GTF2I: variants seen among roughly 807,000 people sequenced by gnomAD.
GTF2I encodes the protein general transcription factor IIi.
Under a neutral mutation model 67.6 loss-of-function variants are expected in GTF2I, and 12 were observed. The observed-to-expected ratio is 0.18, with a 90% confidence interval of 0.11 to 0.29. The LOEUF (loss-of-function observed/expected upper bound fraction) is 0.29, where lower values mean the gene tolerates loss of function less well. GTF2I is among the 10% of genes least tolerant of loss of function. The pLI is 1.00. For missense variants in GTF2I, 271 were observed against 580.1 expected, an observed-to-expected ratio of 0.47 and a Z score of 5.47; for synonymous variants, 149 against 197.0, an observed-to-expected ratio of 0.76 and a Z score of 2.04.
chr7:74,726,882 T>TAGATAGATAGAA (rs1554405790), intron 12 of GTF2I: 2 of 144,722 alleles, frequency 1.4e-5, no homozygotes, highest in Non-Finnish European at 3.0e-5. Context: ...GATAGATAGA[T>TAGATAGATAGAA]AGAATGAGAC....
At chr7:74,674,851 AATATAT>A (rs1485357731) in intron 1 of GTF2I, among the ~76,000 whole-genome samples, 1 of 148,300 alleles carries the variant, frequency 6.7e-6, no homozygotes, top group Admixed American at 6.8e-5. Context: ...CCAGCCCTCT[AATATAT>A]ATATATATTT....
chr7:74,701,497 G>A (rs1457310099), intron 6 of GTF2I, among the ~76,000 whole-genome samples: 1 of 151,800 alleles, frequency 6.6e-6, no homozygotes, highest in Non-Finnish European at 1.5e-5. Flanking sequence ...TTGAGACGGA[G>A]TCTTGCTCTG....
intron 6 of GTF2I, among the ~76,000 whole-genome samples, chr7:74,703,931 T>C (rs974364668): frequency 1 from 152,372 of 152,372 alleles, 76,186 homozygotes; most frequent in Non-Finnish European, 1. Flanking sequence ...ATATCCTTGT[T>C]ATCTTTGTTG....
At chr7:74,662,584 G>A (rs1194442625) in intron 1 of GTF2I, among the ~76,000 whole-genome samples, 2 of 136,110 alleles carry the variant, frequency 1.5e-5, no homozygotes, top group East Asian at 4.6e-4. Context: ...GTGTAGGTGC[G>A]TGGTCTCGGC....
intron 5 of GTF2I, 66 bp from the exon 6 acceptor site, chr7:74,700,540 A>T (rs1789587979): frequency 1.3e-6 from 2 of 1,597,698 alleles, no homozygotes; most frequent in South Asian, 1.1e-5. Context: ...GAAGTCATTT[A>T]AATGTATGCT....
At chr7:74,753,344 T>TA (rs1584353447) in intron 29 of GTF2I, among the ~76,000 whole-genome samples, 167 bp downstream of exon 29, 1 of 152,174 alleles carries the variant, frequency 6.6e-6, no homozygotes, top group African/African-American at 2.4e-5. Flanking sequence ...CCATTAGTGT[T>TA]ACACTATTGA....
intron 5 of GTF2I, 27 bp downstream of exon 5, chr7:74,700,457 A>C (rs782488840): frequency 6.2e-7 from 1 of 1,612,080 alleles, no homozygotes; most frequent in Non-Finnish European, 8.5e-7. Context: ...CTTTGTACCC[A>C]TCAACAGTTG....
chr7:74,705,844 A>T (rs1246463355), intron 7 of GTF2I, among the ~76,000 whole-genome samples: 1 of 150,332 alleles, frequency 6.7e-6, no homozygotes. Flanking sequence ...GATTACAGGC[A>T]TGAGCCACCA....
At chr7:74,718,506 G>C (rs1792538473) in intron 11 of GTF2I, among the ~76,000 whole-genome samples, 1 of 152,214 alleles carries the variant, frequency 6.6e-6, no homozygotes, top group South Asian at 2.1e-4. Context: ...TCACATTTCT[G>C]AAAGGAGAGA....
chr7:74,665,435 A>G (rs1554388177), intron 1 of GTF2I, among the ~76,000 whole-genome samples: 2 of 151,938 alleles, frequency 1.3e-5, no homozygotes, highest in Admixed American at 6.6e-5. Flanking sequence ...TATTTTTAGC[A>G]GAGACAGGGT....
chr7:74,732,151 A>G (rs1385461018), intron 14 of GTF2I, among the ~76,000 whole-genome samples: 4 of 148,630 alleles, frequency 2.7e-5, no homozygotes, highest in East Asian at 2.0e-4. Flanking sequence ...ACATATATAT[A>G]TATATATACA....
chr7:74,662,511 CTTTT>C (rs1161320476), intron 1 of GTF2I, among the ~76,000 whole-genome samples: 8 of 50,198 alleles, frequency 1.6e-4, no homozygotes, highest in Non-Finnish European at 2.0e-4. Flanking sequence ...CACCTGGACC[CTTTT>C]TTTTTTTTTT....
chr7:74,711,950 T>C (rs1449063662), intron 9 of GTF2I, among the ~76,000 whole-genome samples: 1 of 123,808 alleles, frequency 8.1e-6, no homozygotes, highest in Non-Finnish European at 1.8e-5. Flanking sequence ...CATTTCTCTC[T>C]TTTTTTTTTT....
chr7:74,670,941 A>T (rs1264548082), intron 1 of GTF2I, among the ~76,000 whole-genome samples: 4 of 152,094 alleles, frequency 2.6e-5, no homozygotes, highest in Non-Finnish European at 5.9e-5. Flanking sequence ...ATGGTGTCTT[A>T]AACTGTGGTG....
intron 6 of GTF2I, among the ~76,000 whole-genome samples, chr7:74,702,679 G>T (rs868974644): frequency 4.0e-5 from 6 of 151,156 alleles, no homozygotes; most frequent in South Asian, 4.2e-4. Context: ...AATTTTTTTT[G>T]ATTTTTAAAA....
chr7:74,694,415 C>T (rs1788682278), intron 3 of GTF2I, among the ~76,000 whole-genome samples: 3 of 152,098 alleles, frequency 2.0e-5, no homozygotes, highest in Admixed American at 6.6e-5. Flanking sequence ...GGTGAAACCC[C>T]GTCTCTTCTA....
chr7:74,709,081 C>T (rs1459871620), intron 8 of GTF2I, among the ~76,000 whole-genome samples: 1 of 152,108 alleles, frequency 6.6e-6, no homozygotes, highest in Non-Finnish European at 1.5e-5. Context: ...AACTTCCAGC[C>T]AAACTATTGT....
chr7:74,676,009 AAAACAAAC>A (rs201241821), intron 1 of GTF2I, among the ~76,000 whole-genome samples: 2,751 of 151,932 alleles, frequency 0.018, 27 homozygotes, highest in South Asian at 0.036. Context: ...GACTCCATCT[AAAACAAAC>A]AAACAAACAA....
rs150470652 is a variant in GTF2I at position 74,710,374 on chromosome 7, G to A, written c.686-658G>A. Among the ~76,000 whole-genome samples the A allele has an allele frequency of 7.6e-4, 115 of 152,056 alleles. No individual in the cohort carries two copies. The East Asian group carries it at 0.022, about 29-fold the overall frequency. ...GGAGTCTCGCCGTGTCACCCAGGCT[G>A]GAGTGCAGTGGCACAATTTTGGCCC... On this transcript the variant is annotated intron_variant, in intron 8 of 34. Coordinates refer to ENST00000573035, the MANE Select transcript of GTF2I (RefSeq NM_032999.4).
Sources: allele counts gnomAD v4.1 joint callset (sites outside exome capture counted in the v4.1 genomes callset), GRCh38; gene constraint gnomAD v4.1.1; transcripts MANE v1.5; gene names NCBI Gene and HGNC (gene_info 2026-07-23, HGNC 2026-07-21).